Variants in COBLL1 observed in about 807,000 individuals in gnomAD.
COBLL1 encodes cordon-bleu protein-like 1.
COBLL1 carries 50 observed loss-of-function variants against 94.8 expected under a neutral mutation model. That is an observed-to-expected ratio of 0.53 (90% CI 0.42 to 0.67). The LOEUF is 0.67. Ranked by LOEUF, COBLL1 falls within the 30% of genes least tolerant of loss-of-function variation. The probability of loss-of-function intolerance (pLI) is 0.00; values close to 1 mark genes in which losing one functional copy is unlikely to be tolerated. For synonymous variants in COBLL1, 448 were observed against 473.8 expected (o/e 0.95, Z 0.71); for missense variants, 1,362 against 1,348.7 (o/e 1.01, Z -0.15).
chr2:164,777,962 T>C (rs1688549956), intron 2 of COBLL1, among the ~76,000 whole-genome samples: 1 of 152,246 alleles, frequency 6.6e-6, no homozygotes, highest in Admixed American at 6.5e-5. Context: ...CACAGCATTC[T>C]ATGTGGCCTT....
chr2:164,689,736 T>C (rs1005210198), intron 13 of COBLL1, among the ~76,000 whole-genome samples: 7 of 152,164 alleles, frequency 4.6e-5, no homozygotes, highest in African/African-American at 7.2e-5. Flanking sequence ...ATTTTGAATA[T>C]TTTTATTGCA....
intron 2 of COBLL1, among the ~76,000 whole-genome samples, chr2:164,788,466 T>C (rs1559016939): frequency 6.6e-6 from 1 of 151,752 alleles, no homozygotes; most frequent in Non-Finnish European, 1.5e-5. Context: ...ATGCAAAGAG[T>C]CTTCCACTGG....
intron 7 of COBLL1, among the ~76,000 whole-genome samples, chr2:164,716,797 T>C (rs1381857775): frequency 6.6e-6 from 1 of 152,122 alleles, no homozygotes; most frequent in Non-Finnish European, 1.5e-5. Flanking sequence ...AAAAACACCA[T>C]CCATATACTT....
chr2:164,706,130 C>T (rs1684587969), intron 7 of COBLL1, among the ~76,000 whole-genome samples: 1 of 152,204 alleles, frequency 6.6e-6, no homozygotes, highest in African/African-American at 2.4e-5. Flanking sequence ...TTTTCCCAGC[C>T]TTTGATCCAT....
chr2:164,673,267 C>T (rs1020575289), intron 1 of COBLL1, among the ~76,000 whole-genome samples: 1 of 152,124 alleles, frequency 6.6e-6, no homozygotes, highest in Admixed American at 6.5e-5. Flanking sequence ...GACTTATTCA[C>T]CTCTACGGAA....
At chr2:164,703,680 G>A in intron 9 of COBLL1, 1 of 356,660 alleles carries the variant, frequency 2.8e-6, no homozygotes, top group Non-Finnish European at 5.5e-6. Flanking sequence ...TCCTGTATTT[G>A]GAATATAAAT....
chr2:164,753,070 A>G (rs1421252156), intron 2 of COBLL1, among the ~76,000 whole-genome samples: 1 of 152,200 alleles, frequency 6.6e-6, no homozygotes, highest in African/African-American at 2.4e-5. Context: ...GCCCATTCCC[A>G]GGGAGTTCTT....
downstream of COBLL1, among the ~76,000 whole-genome samples, chr2:164,677,299 A>G (rs1691355991): frequency 6.6e-6 from 1 of 152,056 alleles, no homozygotes; most frequent in South Asian, 2.1e-4. Flanking sequence ...TACTGCAAAC[A>G]TTCTTAACAT....
intron 2 of COBLL1, among the ~76,000 whole-genome samples, chr2:164,806,840 C>T (rs1684182678): frequency 1.3e-5 from 2 of 152,096 alleles, no homozygotes; most frequent in South Asian, 4.1e-4. Flanking sequence ...GCAGGGTCTA[C>T]AAGCATGTGC....
intron 1 of COBLL1, among the ~76,000 whole-genome samples, chr2:164,672,463 C>T (rs891489887): frequency 3.9e-4 from 60 of 151,940 alleles, no homozygotes; most frequent in Non-Finnish European, 6.9e-4. Flanking sequence ...CTTTGGGAGG[C>T]CGAGGCGGGT....
At chr2:164,825,540 C>T (rs1181270062) in intron 2 of COBLL1, among the ~76,000 whole-genome samples, 1 of 152,132 alleles carries the variant, frequency 6.6e-6, no homozygotes, top group East Asian at 1.9e-4. Flanking sequence ...AAATCACTTT[C>T]TTCTTACATC....
rs555182867 is a variant in COBLL1 at position 164,687,389 on chromosome 2, C to T, written c.3301-1357G>A. On this transcript the variant is annotated intron_variant, in intron 13 of 13. Transcript: ENST00000652658. ...TCAGCCACCATGTCTTCAAATTCAT[C>T]GACATTGAACTTGGTGAAGCCCCAT... The T allele has an allele frequency of 3.9e-3, 3,183 of 809,496 alleles. 20 individuals carry two copies. The highest frequency in any genetic ancestry group is 5.2e-3 in the East Asian group (212 of 40,840). 50.1% of individuals were successfully genotyped at this position (809,496 alleles called of 1,614,324 possible).
intron 2 of COBLL1, among the ~76,000 whole-genome samples, chr2:164,801,235 C>T (rs1233214779): frequency 1.6e-4 from 24 of 151,306 alleles, no homozygotes; most frequent in Admixed American, 1.2e-3. Context: ...GTCAGGAGAT[C>T]GAGACCATCC....
At chr2:164,773,466 T>C (rs545934154) in intron 2 of COBLL1, among the ~76,000 whole-genome samples, 4 of 152,222 alleles carry the variant, frequency 2.6e-5, no homozygotes, top group East Asian at 3.9e-4. Context: ...CATTTAATCA[T>C]TACATATACA....
At chr2:164,705,151 T>G in intron 7 of COBLL1, 46 bp from the exon 8 acceptor site, 1 of 1,431,736 alleles carries the variant, frequency 7.0e-7, no homozygotes, top group Non-Finnish European at 9.3e-7. Context: ...TAGAAATCAG[T>G]AGCAAACTTT....
At chr2:164,699,370 T>A (rs768293481) in intron 11 of COBLL1, 35 bp downstream of exon 11, 4 of 1,323,444 alleles carry the variant, frequency 3.0e-6, no homozygotes, top group Non-Finnish European at 4.4e-6. Context: ...ATAATAAAAG[T>A]AAGAAAGTGT....
chr2:164,785,990 A>C (rs535377567), intron 2 of COBLL1, among the ~76,000 whole-genome samples: 2 of 152,248 alleles, frequency 1.3e-5, no homozygotes, highest in Admixed American at 1.3e-4. Flanking sequence ...ATTGAAATGA[A>C]GCAGTCACAT....
chr2:164,716,684 C>A (rs13024606), intron 7 of COBLL1, among the ~76,000 whole-genome samples: 1 of 152,072 alleles, frequency 6.6e-6, no homozygotes, highest in Non-Finnish European at 1.5e-5. Context: ...TTTGCTATCT[C>A]GGCTAACTTT....
chr2:164,661,297 A>T (rs866940799), intron 2 of COBLL1, among the ~76,000 whole-genome samples: 1 of 152,146 alleles, frequency 6.6e-6, no homozygotes, highest in Non-Finnish European at 1.5e-5. Flanking sequence ...TAAGCATTTT[A>T]TATTAAAATT....
Sources: allele counts gnomAD v4.1 joint callset (sites outside exome capture counted in the v4.1 genomes callset), GRCh38; gene constraint gnomAD v4.1.1; transcripts MANE v1.5; gene names NCBI Gene and HGNC (gene_info 2026-07-23, HGNC 2026-07-21).